The following GALC variants were observed in gnomAD, a reference collection of about 807,000 sequenced individuals.
The protein encoded by GALC is galactocerebrosidase.
GALC carries 77 observed loss-of-function variants against 91.8 expected under a neutral mutation model. The ratio of observed to expected loss-of-function variants is 0.84; its 90% confidence interval spans 0.70 to 1.01. GALC has a LOEUF of 1.01. Ranked by LOEUF, GALC falls within the 50% of genes least tolerant of loss-of-function variation. The pLI is 0.00. For synonymous variants in GALC, 357 were observed against 306.7 expected (o/e 1.16, Z -1.71); for missense variants, 882 against 855.9 (o/e 1.03, Z -0.38).
Position 87,950,650 on chromosome 14 carries a change from T to A in GALC, c.1251+9A>T, listed in dbSNP as rs200707535. The stretch of plus-strand genomic sequence containing the variant: ...CAAAACTAAAATAAAGTTAAACATA[T>A]TTACTTACAAAAGATCCCTTAAGAA... On this transcript the variant is annotated intron_variant, in intron 11 of 16. Coordinates refer to ENST00000261304, the MANE Select transcript of GALC (RefSeq NM_000153.4). 1.3e-6 allele frequency: 2 copies of A among 1,515,842 alleles called. No individual in the cohort carries two copies. Among genetic ancestry groups the A allele is most frequent in the African/African-American group, 2.7e-5 (2 of 72,874 alleles). 93.9% of individuals were successfully genotyped at this position (1,515,842 alleles called of 1,614,324 possible).
In GALC at chr14:87,945,581, T is replaced by C. The variant is rs886050864; in HGVS notation, c.1642A>G (p.Thr548Ala). ...TTGTAGTCTCCTATAATACTGATTG[T>C]GTTGGATGCATCGGCAGCCCATGTA... is the stretch of plus-strand genomic sequence containing the variant. ...PITWAADASN[T>A]ISIIGDYNWT... The change falls in exon 14 of 17, where the codon ACA becomes GCA. Residue 548 changes from threonine to alanine, a missense_variant. Thr to Ala is a moderately conservative substitution (Grantham distance 58). Transcript: ENST00000261304. The C allele has an allele frequency of 6.2e-7, 1 of 1,608,244 alleles. No homozygotes were observed. The highest frequency in any genetic ancestry group is 8.5e-7 in the Non-Finnish European group (1 of 1,174,948).
intron 10 of GALC, among the ~76,000 whole-genome samples, chr14:87,960,155 G>A (rs1048931198): frequency 1.3e-5 from 2 of 151,816 alleles, no homozygotes; most frequent in Non-Finnish European, 2.9e-5. Flanking sequence ...GGGAAGGACA[G>A]GAAGAGGTCG....
chr14:87,985,437 T>C (rs1886927893), intron 4 of GALC, among the ~76,000 whole-genome samples: 1 of 152,180 alleles, frequency 6.6e-6, no homozygotes, highest in Non-Finnish European at 1.5e-5. Context: ...ACCAAGTCTT[T>C]GTTAGGACAT....
At chr14:87,989,047 A>T (rs1055767674) in intron 1 of GALC, among the ~76,000 whole-genome samples, 7 of 152,256 alleles carry the variant, frequency 4.6e-5, no homozygotes, top group Non-Finnish European at 8.8e-5. Flanking sequence ...ATCAGAATGC[A>T]TGGAAAGACA....
intron 10 of GALC, among the ~76,000 whole-genome samples, chr14:87,960,273 G>C (rs573799732): frequency 2.5e-4 from 38 of 152,286 alleles, no homozygotes; most frequent in African/African-American, 8.9e-4. Flanking sequence ...GGAAGGGAAG[G>C]ACAGGAAGAG....
chr14:87,933,179 T>C lies in GALC; in HGVS notation c.*1553A>G, dbSNP rs1476730010. 3 of 152,322 alleles carry C rather than the reference T, an allele frequency of 2.0e-5. No homozygotes were observed. In the East Asian group the frequency reaches 5.8e-4, roughly 29 times the overall value. The allele number at this position is 152,322 out of a possible 1,614,324, so 9.4% of individuals were successfully genotyped here. On this transcript the variant is annotated 3_prime_UTR_variant, in exon 17 of 17. Transcript: ENST00000261304. ...TCATTATGCTGATGGAAAGAAACCA[T>C]TCATAAGAATACACAGTACATGACG... is the stretch of plus-strand genomic sequence containing the variant.
intron 12 of GALC, 150 bp from the exon 13 acceptor site, chr14:87,948,028 A>G: frequency 1.5e-6 from 1 of 661,334 alleles, no homozygotes; most frequent in Non-Finnish European, 2.6e-6. Context: ...ACCAATATCA[A>G]GGCCCTTGGA....
intron 2 of GALC, 64 bp downstream of exon 2, chr14:87,988,391 G>A (rs1265131803): frequency 1.5e-6 from 2 of 1,317,236 alleles, no homozygotes; most frequent in East Asian, 2.3e-5. Context: ...AAATTCTATG[G>A]TGAAATTCAC....
chr14:87,971,015 T>C (rs1886272531), intron 7 of GALC, among the ~76,000 whole-genome samples: 1 of 152,066 alleles, frequency 6.6e-6, no homozygotes, highest in African/African-American at 2.4e-5. Flanking sequence ...AACTTTATAG[T>C]TTATCCTAAC....
intron 10 of GALC, chr14:87,953,379 T>A: frequency 7.0e-7 from 1 of 1,426,044 alleles, no homozygotes; most frequent in South Asian, 1.2e-5. Context: ...TTGATGATTT[T>A]ACAGAAGCAT....
At chr14:87,944,314 G>A (rs1884978539) in intron 14 of GALC, among the ~76,000 whole-genome samples, 1 of 151,866 alleles carries the variant, frequency 6.6e-6, no homozygotes, top group Non-Finnish European at 1.5e-5. Flanking sequence ...GCCCTCTATG[G>A]TATTCAAGTG....
At chr14:87,953,284 A>G in intron 10 of GALC, 14 of 1,488,258 alleles carry the variant, frequency 9.4e-6, no homozygotes, top group Non-Finnish European at 1.3e-5. Context: ...GCGGAGTCCT[A>G]TAAATAAAGG....
intron 7 of GALC, 57 bp downstream of exon 7, chr14:87,976,301 C>T (rs1449049467): frequency 6.3e-7 from 1 of 1,595,778 alleles, no homozygotes; most frequent in Non-Finnish European, 8.6e-7. Flanking sequence ...AAAAGATAGT[C>T]AATACACAGA....
In GALC at chr14:87,977,107, C is replaced by T. The variant is rs151089432; in HGVS notation, c.622-619G>A. ...AACCACCATTATTTTGCTATGCATT[C>T]TTCCAGGAAGTCTCCTATGCAGACA... On this transcript the variant is annotated intron_variant, in intron 6 of 16. Coordinates refer to ENST00000261304, the MANE Select transcript of GALC (RefSeq NM_000153.4). Among the ~76,000 whole-genome samples, 910 of 149,638 alleles carry T rather than the reference C, an allele frequency of 6.1e-3. 5 individuals carry two copies. The highest frequency in any genetic ancestry group is 0.01 in the Non-Finnish European group (701 of 67,794).
At chr14:87,947,540 TC>T (rs983312425) in intron 13 of GALC, among the ~76,000 whole-genome samples, 187 bp downstream of exon 13, 15 of 151,914 alleles carry the variant, frequency 9.9e-5, no homozygotes, top group African/African-American at 3.6e-4. Flanking sequence ...AAATACAGGG[TC>T]CTCAAATTTA....
At chr14:87,953,523 T>C in intron 10 of GALC, 8 of 1,608,470 alleles carry the variant, frequency 5.0e-6, no homozygotes, top group East Asian at 2.2e-5. Flanking sequence ...AACTTTTCAG[T>C]TCTGAAGATG....
At chr14:87,947,371 G>C (rs973347748) in intron 13 of GALC, among the ~76,000 whole-genome samples, 1 of 151,966 alleles carries the variant, frequency 6.6e-6, no homozygotes, top group Admixed American at 6.6e-5. Flanking sequence ...ACTGCAGAAA[G>C]ACAGATATGA....
intron 7 of GALC, among the ~76,000 whole-genome samples, chr14:87,969,782 T>A (rs940280997): frequency 6.6e-6 from 1 of 152,228 alleles, no homozygotes; most frequent in South Asian, 2.1e-4. Flanking sequence ...TATTTGGTAA[T>A]TCTTTATACC....
rs755353417 is a variant in GALC at position 87,945,648 on chromosome 14, C to T, written c.1575G>A (p.Glu525=). Residue 525 remains glutamate (E), a synonymous_variant, in exon 14 of 17, where the codon GAG becomes GAA. Coordinates refer to ENST00000261304, the MANE Select transcript of GALC (RefSeq NM_000153.4). ...EYFTNIEDPG[E]HHFTLRQVLN... is the part of the protein sequence containing the mutation. ...GAACTTGGCGTAGCGTGAAGTGATGCTCGCCAGGGTCTTCAATATTTGTAA... is the reference window on the plus strand; with the variant it reads ...GAACTTGGCGTAGCGTGAAGTGATGTTCGCCAGGGTCTTCAATATTTGTAA... 2.5e-6 allele frequency: 4 copies of T among 1,610,316 alleles called. No individual in the cohort carries two copies. The African/African-American group carries it at 5.4e-5, about 22-fold the overall frequency.
Sources: allele counts gnomAD v4.1 joint callset (sites outside exome capture counted in the v4.1 genomes callset), GRCh38; gene constraint gnomAD v4.1.1; transcripts MANE v1.5; gene names NCBI Gene and HGNC (gene_info 2026-07-23, HGNC 2026-07-21).